The following PRKAG2 variants were observed in gnomAD, a reference collection of about 807,000 sequenced individuals.
The protein encoded by PRKAG2 is protein kinase AMP-activated non-catalytic subunit gamma 2, also known as 5'-AMP-activated protein kinase subunit gamma-2.
PRKAG2 carries 26 observed loss-of-function variants against 69.6 expected under a neutral mutation model. The observed-to-expected ratio is 0.37, with a 90% CI of 0.27 to 0.52. The LOEUF is 0.52. Ranked by LOEUF, PRKAG2 falls within the 20% of genes least tolerant of loss-of-function variation. PRKAG2 has a pLI of 0.90. For synonymous variants in PRKAG2, 293 were observed against 285.0 expected (o/e 1.03, Z -0.28); for missense variants, 557 against 740.0 (o/e 0.75, Z 2.87).
chr7:151,747,964 C>T (rs551924619), intron 3 of PRKAG2, among the ~76,000 whole-genome samples: 15 of 149,108 alleles, frequency 1.0e-4, no homozygotes, highest in Admixed American at 2.7e-4. Flanking sequence ...CTCTATTGCC[C>T]GGGGTTGAGT....
Position 151,699,790 on chromosome 7 carries a change from A to T in PRKAG2, c.467-24153T>A, listed in dbSNP as rs1399330629. On this transcript the variant is annotated intron_variant, in intron 3 of 15. Transcript: ENST00000287878. This position sits in a 1 kb window ranked among gnomAD's most constrained non-coding sequence, Gnocchi z 4.5. ...CAGGACGAGGAGGCTGGGACACAGC[A>T]AGGTGCTCAGGCCCTCAGAGGAGGC... Among the ~76,000 whole-genome samples, 1 of 152,210 alleles carries T rather than the reference A, an allele frequency of 6.6e-6. No individual in the cohort carries two copies. The highest frequency in any genetic ancestry group is 1.5e-5 in the Non-Finnish European group (1 of 68,042).
chr7:151,809,022 C>A (rs2078276342), intron 1 of PRKAG2, among the ~76,000 whole-genome samples: 3 of 152,146 alleles, frequency 2.0e-5, no homozygotes, highest in African/African-American at 7.2e-5. Flanking sequence ...CCCTGGAGTT[C>A]GTGTTGGAAG....
chr7:151,854,687 C>G (rs1403549103), intron 1 of PRKAG2, among the ~76,000 whole-genome samples: 1 of 152,214 alleles, frequency 6.6e-6, no homozygotes, highest in Non-Finnish European at 1.5e-5. Context: ...TTCCTGGCTC[C>G]CACTCCTTGA....
chr7:151,863,876 C>T (rs2079996126), intron 1 of PRKAG2, among the ~76,000 whole-genome samples: 1 of 149,504 alleles, frequency 6.7e-6, no homozygotes. Flanking sequence ...CGCACTCCAG[C>T]CTGGACTACA....
At chr7:151,784,316 C>G (rs553483096) in intron 2 of PRKAG2, among the ~76,000 whole-genome samples, 60 of 152,202 alleles carry the variant, frequency 3.9e-4, no homozygotes, top group African/African-American at 1.4e-3. Context: ...TGCTGGGGAG[C>G]CGGGGGAGAG....
chr7:151,854,304 C>T (rs371332875), intron 1 of PRKAG2, among the ~76,000 whole-genome samples: 3 of 152,262 alleles, frequency 2.0e-5, no homozygotes, highest in East Asian at 1.9e-4. Context: ...TGCACACACA[C>T]GAACACACGT....
At chr7:151,833,827 C>T (rs2079090646) in intron 1 of PRKAG2, among the ~76,000 whole-genome samples, 3 of 152,226 alleles carry the variant, frequency 2.0e-5, no homozygotes, top group Admixed American at 2.0e-4. Flanking sequence ...CGCTGTGCCT[C>T]CCCCAGATGG....
intron 1 of PRKAG2, among the ~76,000 whole-genome samples, chr7:151,851,017 T>C (rs1228127631): frequency 2.0e-5 from 3 of 152,154 alleles, no homozygotes; most frequent in African/African-American, 7.2e-5. Context: ...GACTCTCAAA[T>C]TCCTCCAGCG....
intron 3 of PRKAG2, among the ~76,000 whole-genome samples, chr7:151,679,155 C>A (rs567990517): frequency 6.6e-6 from 1 of 152,016 alleles, no homozygotes; most frequent in Admixed American, 6.5e-5. Context: ...CCGGCCCATC[C>A]GGACCCTTCT....
chr7:151,713,907 T>C (rs968650322), intron 3 of PRKAG2, among the ~76,000 whole-genome samples: 1 of 152,186 alleles, frequency 6.6e-6, no homozygotes, highest in Admixed American at 6.5e-5. Context: ...CCATGACGTA[T>C]GCATCAAAAT....
intron 1 of PRKAG2, among the ~76,000 whole-genome samples, chr7:151,859,186 A>G (rs1167444674): frequency 6.6e-6 from 1 of 152,216 alleles, no homozygotes; most frequent in Admixed American, 6.5e-5. Context: ...TCGTCCTGTG[A>G]TGCCCAGGGA....
At chr7:151,568,546 T>C in intron 11 of PRKAG2, 170 bp downstream of exon 11, 1 of 667,054 alleles carries the variant, frequency 1.5e-6, no homozygotes, top group Non-Finnish European at 2.5e-6. Flanking sequence ...GGAATCAACT[T>C]TAAGAATGTA....
intron 3 of PRKAG2, among the ~76,000 whole-genome samples, chr7:151,678,920 C>T (rs1833387764): frequency 6.6e-6 from 1 of 152,060 alleles, no homozygotes; most frequent in South Asian, 2.1e-4. Context: ...GATTGTGCCA[C>T]TGCATTCCAT....
chr7:151,840,757 T>C (rs990469432), intron 1 of PRKAG2, among the ~76,000 whole-genome samples: 1 of 152,266 alleles, frequency 6.6e-6, no homozygotes, highest in Admixed American at 6.5e-5. Flanking sequence ...GGCCTGCTTC[T>C]GATGGAGGGG....
intron 4 of PRKAG2, among the ~76,000 whole-genome samples, chr7:151,654,981 C>T (rs1829176523): frequency 6.6e-6 from 1 of 152,204 alleles, no homozygotes; most frequent in African/African-American, 2.4e-5. Context: ...ACATGAGCCA[C>T]CATGCCCGGC....
chr7:151,867,047 G>A lies in PRKAG2; in HGVS notation c.114+9460C>T, dbSNP rs182873786. ...CCTCCACACTAGAACTTCCAGCAGT[G>A]GGAGGAGGGGACGCAAGGAAAGACC... is the stretch of plus-strand genomic sequence containing the variant. On this transcript the variant is annotated intron_variant, in intron 1 of 15. Transcript: ENST00000287878. Among the ~76,000 whole-genome samples, 306 of 152,296 alleles carry A rather than the reference G, an allele frequency of 2.0e-3. 2 individuals carry two copies. Among genetic ancestry groups the A allele is most frequent in the Admixed American group, 4.1e-3 (63 of 15,294 alleles).
chr7:151,815,908 G>A (rs1360376032), intron 1 of PRKAG2, among the ~76,000 whole-genome samples: 1 of 152,188 alleles, frequency 6.6e-6, no homozygotes, highest in Non-Finnish European at 1.5e-5. Context: ...GTTGCTGCAG[G>A]TATTCAAGAA....
chr7:151,660,575 T>C (rs772954861), intron 4 of PRKAG2, among the ~76,000 whole-genome samples: 11 of 152,228 alleles, frequency 7.2e-5, no homozygotes, highest in Non-Finnish European at 1.3e-4. Flanking sequence ...AAGCAATACT[T>C]ATACTGTGTG....
In PRKAG2 at chr7:151,567,901, C is replaced by G. The variant is rs1806625055; in HGVS notation, c.1233+815G>C. On this transcript the variant is annotated intron_variant, in intron 11 of 15. Coordinates refer to ENST00000287878, the MANE Select transcript of PRKAG2 (RefSeq NM_016203.4). This position sits in a 1 kb window ranked among gnomAD's most constrained non-coding sequence, Gnocchi z 4.2. Reference sequence around the variant, plus strand: ...CGCTATGTTAGGTCCTTAGGTGAAGCCATGGGGAGGAAAATGGGAAAGCTA... The same window carrying G: ...CGCTATGTTAGGTCCTTAGGTGAAGGCATGGGGAGGAAAATGGGAAAGCTA... 6.6e-6 allele frequency among the ~76,000 whole-genome samples: 1 copy of G among 152,022 alleles called. No individual in the cohort carries two copies. The highest frequency in any genetic ancestry group is 2.4e-5 in the African/African-American group (1 of 41,368).
Sources: gnomAD v4.1 joint callset for allele counts (sites outside exome capture counted in the v4.1 genomes callset) on GRCh38, gnomAD v4.1.1 for gene constraint, Gnocchi (gnomAD v3.1) non-coding constraint, MANE v1.5 for transcripts, NCBI Gene and HGNC (gene_info 2026-07-23, HGNC 2026-07-21) for gene names.